Variants in PRKCE observed in about 807,000 individuals in gnomAD.
PRKCE encodes protein kinase C epsilon type.
In PRKCE, 16 loss-of-function variants were observed where a neutral mutation model predicts 85.4. The ratio of observed to expected loss-of-function variants is 0.19; its 90% confidence interval spans 0.13 to 0.28. The LOEUF (loss-of-function observed/expected upper bound fraction) is 0.28. Ranked by LOEUF, PRKCE falls within the 10% of genes least tolerant of loss-of-function variation. The pLI is 1.00. For synonymous variants in PRKCE, 388 were observed against 371.5 expected (o/e 1.04, Z -0.51); for missense variants, 573 against 975.2 (o/e 0.59, Z 5.49).
At chr2:45,709,536 A>G (rs908155587) in intron 1 of PRKCE, among the ~76,000 whole-genome samples, 3 of 152,208 alleles carry the variant, frequency 2.0e-5, no homozygotes, top group East Asian at 3.8e-4. Context: ...AGTACAGACT[A>G]TGCTCTAGGA....
At chr2:46,097,756 C>G (rs112247162) in intron 11 of PRKCE, among the ~76,000 whole-genome samples, 139 of 152,278 alleles carry the variant, frequency 9.1e-4, no homozygotes, top group African/African-American at 3.0e-3. Flanking sequence ...ATGCCAAATA[C>G]CAGCATGAGT....
At chr2:45,892,215 G>C (rs916241425) in intron 2 of PRKCE, among the ~76,000 whole-genome samples, 1 of 152,308 alleles carries the variant, frequency 6.6e-6, no homozygotes, top group Admixed American at 6.5e-5. Context: ...TCCCCAGAGA[G>C]AGGTGACAGC....
chr2:45,929,578 C>T (rs1698881398), intron 2 of PRKCE, among the ~76,000 whole-genome samples: 1 of 151,902 alleles, frequency 6.6e-6, no homozygotes, highest in Non-Finnish European at 1.5e-5. Context: ...AATTAAGCTC[C>T]CACTCTTGAT....
intron 2 of PRKCE, among the ~76,000 whole-genome samples, chr2:45,968,463 T>C (rs755113370): frequency 1.3e-5 from 2 of 152,104 alleles, no homozygotes; most frequent in Non-Finnish European, 1.5e-5. Context: ...ATAATGGACA[T>C]TGGAGACTCA....
At chr2:45,982,939 C>G (rs193055709) in intron 5 of PRKCE, among the ~76,000 whole-genome samples, 7 of 152,324 alleles carry the variant, frequency 4.6e-5, no homozygotes, top group African/African-American at 1.7e-4. Flanking sequence ...CAGTATAGGT[C>G]CACCATGCCT....
intron 2 of PRKCE, among the ~76,000 whole-genome samples, chr2:45,972,472 G>A (rs1332180918): frequency 6.6e-6 from 1 of 152,092 alleles, no homozygotes; most frequent in Non-Finnish European, 1.5e-5. Context: ...TTAGTTTGAT[G>A]TAGTCCAACT....
At chr2:45,870,071 G>A (rs1410871814) in intron 2 of PRKCE, among the ~76,000 whole-genome samples, 2 of 152,168 alleles carry the variant, frequency 1.3e-5, no homozygotes, top group African/African-American at 2.4e-5. Context: ...CTGGCCTGCA[G>A]TGTCCTTCCC....
chr2:46,025,518 G>T (rs1457174818), intron 10 of PRKCE, among the ~76,000 whole-genome samples: 1 of 152,200 alleles, frequency 6.6e-6, no homozygotes, highest in African/African-American at 2.4e-5. Flanking sequence ...AGATGAGTGG[G>T]CTGACTAGTA....
At chr2:45,961,304 C>T (rs573663138) in intron 2 of PRKCE, among the ~76,000 whole-genome samples, 40 of 152,256 alleles carry the variant, frequency 2.6e-4, no homozygotes, top group African/African-American at 8.7e-4. Flanking sequence ...GCAATGTTTA[C>T]CCTGACTTTC....
chr2:46,032,832 C>T (rs1328808840), intron 10 of PRKCE, among the ~76,000 whole-genome samples: 3 of 152,130 alleles, frequency 2.0e-5, no homozygotes, highest in African/African-American at 4.8e-5. Flanking sequence ...TTTGGGATAT[C>T]GAAAGATTTC....
Position 46,155,528 on chromosome 2 carries a change from C to T in PRKCE, c.1921-4078C>T, listed in dbSNP as rs1677110578. Among the ~76,000 whole-genome samples, 1 of 152,150 alleles carries T rather than the reference C, an allele frequency of 6.6e-6. No homozygotes were observed. The highest frequency in any genetic ancestry group is 1.5e-5 in the Non-Finnish European group (1 of 68,028). ...GGTATCCCCAGCCAGACCCATCTTC[C>T]AGCCTCCAGGCCTGTGTTTCCAGTT... On this transcript the variant is annotated intron_variant, in intron 13 of 14. Coordinates refer to ENST00000306156, the MANE Select transcript of PRKCE (RefSeq NM_005400.3). The surrounding 1 kb of genome is among the most constrained non-coding windows in gnomAD (Gnocchi z 4.7).
At chr2:46,171,249 C>T (rs1384343083) in intron 14 of PRKCE, among the ~76,000 whole-genome samples, 3 of 152,216 alleles carry the variant, frequency 2.0e-5, no homozygotes, top group Non-Finnish European at 4.4e-5. Flanking sequence ...TCCTGGATAG[C>T]CACACAGCAT....
At chr2:45,859,291 T>C (rs1159197504) in intron 2 of PRKCE, among the ~76,000 whole-genome samples, 1 of 152,106 alleles carries the variant, frequency 6.6e-6, no homozygotes, top group Non-Finnish European at 1.5e-5. Flanking sequence ...TAGTATATTA[T>C]GGGGGTGTCC....
intron 2 of PRKCE, among the ~76,000 whole-genome samples, chr2:45,876,357 C>T (rs1005162848): frequency 6.6e-6 from 1 of 152,322 alleles, no homozygotes; most frequent in Admixed American, 6.5e-5. Context: ...TTATCTTTGC[C>T]TCGCATTTCA....
At chr2:46,124,648 A>C (rs997612442) in intron 11 of PRKCE, among the ~76,000 whole-genome samples, 1 of 152,158 alleles carries the variant, frequency 6.6e-6, no homozygotes, top group Non-Finnish European at 1.5e-5. Context: ...ACTTGTGGGC[A>C]GAGGAAAGGG....
At chr2:45,689,580 C>T (rs1349785370) in intron 1 of PRKCE, among the ~76,000 whole-genome samples, 3 of 151,200 alleles carry the variant, frequency 2.0e-5, no homozygotes, top group Non-Finnish European at 4.4e-5. Flanking sequence ...ATATACATAG[C>T]AAAGCATTCA....
At chr2:45,761,675 C>T (rs73926063) in intron 1 of PRKCE, among the ~76,000 whole-genome samples, 127 of 152,278 alleles carry the variant, frequency 8.3e-4, no homozygotes, top group African/African-American at 3.0e-3. Flanking sequence ...CTCGCACCCT[C>T]CTCTCTGGCC....
At chr2:46,091,293 G>A (rs1334786131) in intron 11 of PRKCE, among the ~76,000 whole-genome samples, 3 of 152,176 alleles carry the variant, frequency 2.0e-5, no homozygotes, top group Non-Finnish European at 4.4e-5. Flanking sequence ...TTTGAAGGGT[G>A]GGCTTTCCGT....
In PRKCE at chr2:45,880,174, G is replaced by A. The variant is rs751654354; in HGVS notation, c.412+37111G>A. On this transcript the variant is annotated intron_variant, in intron 2 of 14. Transcript: ENST00000306156. ...CTTAGTGTCCTCCAGTTGCATTTAC[G>A]TTGCTCTGCAAATGACAAGATTTCA... Among the ~76,000 whole-genome samples the A allele has an allele frequency of 7.2e-5, 11 of 152,126 alleles. 1 individual carries two copies. Among genetic ancestry groups the A allele is most frequent in the Non-Finnish European group, 2.9e-5 (2 of 68,022 alleles).
Sources: allele counts gnomAD v4.1 joint callset (sites outside exome capture counted in the v4.1 genomes callset), GRCh38; gene constraint gnomAD v4.1.1; non-coding constraint Gnocchi (gnomAD v3.1); transcripts MANE v1.5; gene names NCBI Gene and HGNC (gene_info 2026-07-23, HGNC 2026-07-21).